RASIP1: variants seen among roughly 807,000 people sequenced by gnomAD.
RASIP1 encodes ras-interacting protein 1.
RASIP1 carries 20 observed loss-of-function variants against 85.3 expected under a neutral mutation model. The ratio of observed to expected loss-of-function variants is 0.23; its 90% CI spans 0.17 to 0.34. The LOEUF (loss-of-function observed/expected upper bound fraction) is 0.34. Among genes scored for constraint, RASIP1 ranks in the 10% least tolerant of loss-of-function variants. The pLI, the probability that RASIP1 is intolerant of heterozygous loss-of-function variation, is 1.00. For missense variants in RASIP1, 1,170 were observed against 1,390.9 expected (o/e 0.84, Z 2.53); for synonymous variants, 617 against 647.1 (o/e 0.95, Z 0.71).
At chr19:48,729,709 C>CTTCTTCT in intron 4 of RASIP1, 119 bp from the exon 5 acceptor site, 1 of 377,820 alleles carries the variant, frequency 2.6e-6, no homozygotes, top group Non-Finnish European at 4.4e-6. Context: ...CCTTCTTCTT[C>CTTCTTCT]TTTTTTTTTT....
At chr19:48,722,065 G>A in intron 10 of RASIP1, 64 bp from the exon 11 acceptor site, 1 of 1,333,862 alleles carries the variant, frequency 7.5e-7, no homozygotes, top group South Asian at 1.6e-5. Context: ...TGAAATGGAA[G>A]GGCTTCCATA....
rs769787463 is a variant in RASIP1 at position 48,740,229 on chromosome 19, A to G, written c.54T>C (p.His18=). ...EGGSPRFGKL[H]LPVGLWINSP... is the part of the protein sequence containing the mutation. ...AATTGATCCACAGGCCCACGGGGAG[A>G]TGAAGCTTCCCGAAGCGGGGGCTTC... The change falls in exon 2 of 12, where the codon CAT becomes CAC. Residue 18 remains histidine (H), a synonymous_variant. Coordinates refer to ENST00000222145, the MANE Select transcript of RASIP1 (RefSeq NM_017805.3). This position sits in a 1 kb window ranked among gnomAD's most constrained non-coding sequence, Gnocchi z 5.5. 4 of 1,586,710 alleles carry G rather than the reference A, an allele frequency of 2.5e-6. No individual in the cohort carries two copies. The highest frequency in any genetic ancestry group is 1.7e-4 in the Middle Eastern group (1 of 5,972).
chr19:48,721,836 T>A lies in RASIP1; in HGVS notation c.2692+18A>T. On this transcript the variant is annotated intron_variant, in intron 11 of 11. Coordinates refer to ENST00000222145, the MANE Select transcript of RASIP1 (RefSeq NM_017805.3). ...AAGAAAGCTGACAGCCCCAATGCTG[T>A]ATCCCATTGCTCCTCACCTGTGTCC... The A allele has an allele frequency of 6.3e-7, 1 of 1,594,694 alleles. No individual in the cohort carries two copies. Among genetic ancestry groups the A allele is most frequent in the Non-Finnish European group, 8.5e-7 (1 of 1,171,708 alleles).
At chr19:48,733,494 A>C (rs1452856709) in intron 4 of RASIP1, among the ~76,000 whole-genome samples, 1 of 152,138 alleles carries the variant, frequency 6.6e-6, no homozygotes, top group African/African-American at 2.4e-5. Context: ...TCCAATGTAA[A>C]GCATCACCTT....
chr19:48,735,940 C>T (rs1386381579), intron 3 of RASIP1, among the ~76,000 whole-genome samples: 3 of 151,724 alleles, frequency 2.0e-5, no homozygotes, highest in East Asian at 3.9e-4. Context: ...GGATTACAGG[C>T]GCGCACCACA....
chr19:48,739,930 C>T lies in RASIP1; in HGVS notation c.137+216G>A, dbSNP rs1599752655. Reference sequence around the variant, plus strand: ...TCCCCCTGCTCCTTCTGTCCCCGTCCCCGTGCCCATCCGGCCTCACTCCAC... The same window carrying T: ...TCCCCCTGCTCCTTCTGTCCCCGTCTCCGTGCCCATCCGGCCTCACTCCAC... On this transcript the variant is annotated intron_variant, in intron 2 of 11. Transcript: ENST00000222145. This position sits in a 1 kb window ranked among gnomAD's most constrained non-coding sequence, Gnocchi z 9.2. Among the ~76,000 whole-genome samples, 1 of 152,138 alleles carries T rather than the reference C, an allele frequency of 6.6e-6. No homozygotes were observed. Among genetic ancestry groups the T allele is most frequent in the African/African-American group, 2.4e-5 (1 of 41,416 alleles).
At chr19:48,727,510 A>G (rs1333304238) in intron 5 of RASIP1, 80 bp from the exon 6 acceptor site, 2 of 1,438,128 alleles carry the variant, frequency 1.4e-6, no homozygotes, top group African/African-American at 1.4e-5. Flanking sequence ...TTTTTATAGA[A>G]GCACAACTCT....
chr19:48,730,534 A>G (rs754990689), intron 4 of RASIP1, among the ~76,000 whole-genome samples: 21 of 152,080 alleles, frequency 1.4e-4, no homozygotes, highest in South Asian at 4.1e-4. Context: ...GGAGATCCCT[A>G]TTTCTAAAAT....
intron 8 of RASIP1, among the ~76,000 whole-genome samples, chr19:48,725,788 A>G (rs1274413877): frequency 2.6e-5 from 4 of 152,176 alleles, no homozygotes; most frequent in African/African-American, 9.6e-5. Flanking sequence ...TCATTTATCT[A>G]TCTATTATAT....
rs762726040 is a variant in RASIP1 at position 48,728,992 on chromosome 19, C to A, written c.1778G>T (p.Gly593Val). Residue 593 changes from glycine to valine, a missense_variant, in exon 5 of 12, where the codon GGC becomes GTC. Transcript: ENST00000222145. ...VQHSARELEL[G>V]HLPRLLGRLA... ...GCGGCCCAGCAGTCGTGGCAGGTGG[C>A]CCAGCTCCAGCTCACGGGCGGAATG... The A allele has an allele frequency of 1.4e-6, 2 of 1,454,058 alleles. No individual in the cohort carries two copies. Among genetic ancestry groups the A allele is most frequent in the Non-Finnish European group, 1.8e-6 (2 of 1,111,966 alleles). The allele number at this position is 1,454,058 out of a possible 1,614,324, so 90.1% of individuals were successfully genotyped here.
intron 11 of RASIP1, among the ~76,000 whole-genome samples, chr19:48,721,315 A>C (rs2033234831): frequency 6.6e-6 from 1 of 151,496 alleles, no homozygotes; most frequent in Admixed American, 6.6e-5. Context: ...CTGGACTCCT[A>C]GGGGTGGTGG....
chr19:48,734,571 T>C (rs1452032400), intron 4 of RASIP1, among the ~76,000 whole-genome samples: 1 of 148,892 alleles, frequency 6.7e-6, no homozygotes, highest in East Asian at 2.0e-4. Context: ...CACCGCAACC[T>C]CTGCCTTCCG....
chr19:48,735,155 G>A (rs564618685), intron 4 of RASIP1, 41 bp downstream of exon 4: 3 of 1,528,368 alleles, frequency 2.0e-6, no homozygotes, highest in Non-Finnish European at 2.7e-6. Context: ...CAACAGATGG[G>A]GTATAGGGCT....
At position 48,727,436 on chromosome 19, in the gene RASIP1, G is replaced by A. The variant is rs1250771764; in HGVS notation, c.1834-6C>T. The stretch of plus-strand genomic sequence containing the variant: ...CCAATTTCCTTAATCTTTTCCTGTG[G>A]AACAGTAAGATCAGAATCAAGGTGA... On this transcript the variant is annotated splice_polypyrimidine_tract_variant and splice_region_variant and intron_variant, in intron 5 of 11. Transcript: ENST00000222145. 1.9e-6 allele frequency: 3 copies of A among 1,613,288 alleles called. No individual in the cohort carries two copies. The highest frequency in any genetic ancestry group is 2.5e-6 in the Non-Finnish European group (3 of 1,179,430).
chr19:48,728,980 C>T lies in RASIP1; in HGVS notation c.1790G>A (p.Arg597Gln). The stretch of plus-strand genomic sequence containing the variant: ...GAGCCGGGCCAGGCGGCCCAGCAGT[C>T]GTGGCAGGTGGCCCAGCTCCAGCTC... ...ARELELGHLP[R>Q]LLGRLARLIK... Residue 597 changes from arginine (R) to glutamine (Q), a missense_variant, in exon 5 of 12, where the codon CGA becomes CAA. Physicochemically the swap from Arg to Gln is conservative, Grantham distance 43 (BLOSUM62 1). Transcript: ENST00000222145. 2 of 1,456,890 alleles carry T rather than the reference C, an allele frequency of 1.4e-6. No individual in the cohort carries two copies. Among genetic ancestry groups the T allele is most frequent in the African/African-American group, 1.5e-5 (1 of 67,204 alleles). The allele number at this position is 1,456,890 out of a possible 1,614,324, so 90.2% of individuals were successfully genotyped here.
Position 48,740,090 on chromosome 19 carries a change from G to C in RASIP1, c.137+56C>G. ...CTTTGCAGGGACTGGGCAGTGAACA[G>C]GGACAGATGGGAAGCAGGTGTGCAG... On this transcript the variant is annotated intron_variant, in intron 2 of 11. Transcript: ENST00000222145. This position sits in a 1 kb window ranked among gnomAD's most constrained non-coding sequence, Gnocchi z 5.5. 1 of 1,512,864 alleles carries C rather than the reference G, an allele frequency of 6.6e-7. No individual in the cohort carries two copies. Among genetic ancestry groups the C allele is most frequent in the African/African-American group, 1.4e-5 (1 of 69,928 alleles). 93.7% of individuals were successfully genotyped at this position (1,512,864 alleles called of 1,614,324 possible). A position where few individuals can be genotyped will look rare whatever the true frequency, so the allele number is the denominator to read the frequency against.
chr19:48,740,554 GC>G lies in RASIP1; in HGVS notation c.-39del. On this transcript the variant is annotated 5_prime_UTR_variant, in exon 1 of 12. Coordinates refer to ENST00000222145, the MANE Select transcript of RASIP1 (RefSeq NM_017805.3). This position sits in a 1 kb window ranked among gnomAD's most constrained non-coding sequence, Gnocchi z 5.5. ...GGGTCCGGCACACCCGGAGGCCCTG[GC>G]TCCACTGGCCTGGGTCAGTTCCACT... The G allele has an allele frequency of 7.2e-7, 1 of 1,384,096 alleles. No individual in the cohort carries two copies. The highest frequency in any genetic ancestry group is 1.8e-5 in the South Asian group (1 of 57,052). 85.7% of individuals were successfully genotyped at this position (1,384,096 alleles called of 1,614,324 possible).
In RASIP1 at chr19:48,724,423, C is replaced by T; in HGVS notation, c.2458G>A (p.Gly820Arg). Residue 820 changes from glycine (G) to arginine (R), a missense_variant, in exon 10 of 12, where the codon GGG becomes AGG. Gly to Arg is a moderately radical substitution (Grantham distance 125). This residue lies in a region of RASIP1 where 426 missense variants were observed against 576.2 expected (regional missense o/e 0.74). Transcript: ENST00000222145. This position sits in a 1 kb window ranked among gnomAD's most constrained non-coding sequence, Gnocchi z 4.6. ...DLVLDWLQGA[G>R]LGDIATEFFR... is the part of the protein sequence containing the mutation. ...AACTCAGTGGCAATGTCGCCCAGCC[C>T]AGCTCCCTGTAGCCAGTCCAAGACG... The T allele has an allele frequency of 1.2e-6, 2 of 1,614,200 alleles. No homozygotes were observed. The highest frequency in any genetic ancestry group is 1.7e-6 in the Non-Finnish European group (2 of 1,180,036).
At chr19:48,733,759 A>T (rs2033507745) in intron 4 of RASIP1, among the ~76,000 whole-genome samples, 1 of 150,768 alleles carries the variant, frequency 6.6e-6, no homozygotes, top group Non-Finnish European at 1.5e-5. Flanking sequence ...GTGAGCCAAG[A>T]TCGCACCACT....
Sources: allele counts gnomAD v4.1 joint callset (sites outside exome capture counted in the v4.1 genomes callset), GRCh38; gene constraint gnomAD v4.1.1; regional missense constraint gnomAD v4.1.1; non-coding constraint Gnocchi (gnomAD v3.1); transcripts MANE v1.5; gene names NCBI Gene and HGNC (gene_info 2026-07-23, HGNC 2026-07-21).